Variants in HEPHL1 observed in about 807,000 individuals in gnomAD.
The protein encoded by HEPHL1 is hephaestin like 1, also known as ferroxidase HEPHL1.
Under a neutral mutation model 122.0 loss-of-function variants are expected in HEPHL1, and 123 were observed. The ratio of observed to expected loss-of-function variants is 1.01; its 90% CI spans 0.87 to 1.17. The LOEUF (loss-of-function observed/expected upper bound fraction) is 1.17, where lower values mean the gene tolerates loss of function less well. HEPHL1 is among the 50% of genes most tolerant of loss of function. The pLI is 0.00. For missense variants in HEPHL1, 1,452 were observed against 1,430.5 expected (o/e 1.01, Z -0.24); for synonymous variants, 527 against 508.9 (o/e 1.04, Z -0.48).
intron 1 of HEPHL1, among the ~76,000 whole-genome samples, chr11:94,036,074 C>G (rs1039581945): frequency 6.6e-6 from 1 of 151,762 alleles, no homozygotes; most frequent in Non-Finnish European, 1.5e-5. Context: ...TTATTACTTT[C>G]CTTTTATACC....
Position 94,104,601 on chromosome 11 carries a change from G to A in HEPHL1, c.2756G>A (p.Ser919Asn). The A allele has an allele frequency of 6.2e-7, 1 of 1,613,898 alleles. No homozygotes were observed. The highest frequency in any genetic ancestry group is 1.1e-5 in the South Asian group (1 of 91,076). The part of the protein sequence containing the change: ...KGVLNEKGRR[S>N]DVDYEFALLF... ...GTCTTGAATGAAAAGGGAAGAAGAAGTGACGTTGATTATGAATTTGCTCTC... is the reference window on the plus strand; with the variant it reads ...GTCTTGAATGAAAAGGGAAGAAGAAATGACGTTGATTATGAATTTGCTCTC... Residue 919 changes from serine (S) to asparagine (N), a missense_variant, in exon 16 of 20, where the codon AGT becomes AAT. Ser to Asn is a conservative substitution (Grantham distance 46, BLOSUM62 1). Coordinates refer to ENST00000315765, the MANE Select transcript of HEPHL1 (RefSeq NM_001098672.2).
intron 9 of HEPHL1, among the ~76,000 whole-genome samples, chr11:94,076,968 T>C (rs1349754782): frequency 1.3e-5 from 2 of 152,208 alleles, no homozygotes; most frequent in African/African-American, 4.8e-5. Context: ...CTCACACTTT[T>C]TTGGAAATAA....
In HEPHL1 at chr11:94,111,942, C is replaced by G. The variant is rs902168363; in HGVS notation, c.*48C>G. The G allele has an allele frequency of 8.8e-6, 12 of 1,369,280 alleles. No individual in the cohort carries two copies. Among genetic ancestry groups the G allele is most frequent in the Non-Finnish European group, 1.2e-5 (12 of 1,024,300 alleles). 84.8% of individuals were successfully genotyped at this position (1,369,280 alleles called of 1,614,324 possible). A position where few individuals can be genotyped will look rare whatever the true frequency, so the allele number is the denominator to read the frequency against. Reference sequence around the variant, plus strand: ...GAAAGGGTGATGTCCCACAGCTGGCCAGATGGCAGCCAACAGGGAAACTGG... The same window carrying G: ...GAAAGGGTGATGTCCCACAGCTGGCGAGATGGCAGCCAACAGGGAAACTGG... On this transcript the variant is annotated 3_prime_UTR_variant, in exon 20 of 20. Transcript: ENST00000315765.
intron 2 of HEPHL1, among the ~76,000 whole-genome samples, chr11:94,054,636 A>G (rs906485179): frequency 6.6e-6 from 1 of 152,162 alleles, no homozygotes; most frequent in Non-Finnish European, 1.5e-5. Flanking sequence ...CAAATCTTCA[A>G]TCAACGATAG....
rs74735081 is a variant in HEPHL1, at chr11:94,045,216, A to T, written c.171-457A>T. 6.2e-3 allele frequency among the ~76,000 whole-genome samples: 946 copies of T among 152,306 alleles called. 16 individuals are homozygous for T. The highest frequency in any genetic ancestry group is 0.021 in the African/African-American group (885 of 41,562). The stretch of plus-strand genomic sequence containing the variant: ...CCACTATGCCTGGCCTCCCTGAACT[A>T]TTACGTTCCTAGAAATGTTGAGCCT... On this transcript the variant is annotated intron_variant, in intron 1 of 19. Coordinates refer to ENST00000315765, the MANE Select transcript of HEPHL1 (RefSeq NM_001098672.2).
At chr11:94,078,497 A>C (rs1829372) in intron 9 of HEPHL1, among the ~76,000 whole-genome samples, 66,075 of 146,010 alleles carry the variant, frequency 0.45, 15,474 homozygotes, top group East Asian at 0.58. Flanking sequence ...ACACACAGAG[A>C]GATATTTATT....
intron 1 of HEPHL1, among the ~76,000 whole-genome samples, chr11:94,042,439 G>T (rs1479027613): frequency 1.4e-5 from 2 of 140,624 alleles, no homozygotes; most frequent in Non-Finnish European, 1.5e-5. Context: ...TGTTTATTGC[G>T]GCATTATTCA....
Position 94,045,918 on chromosome 11 carries a change from G to A in HEPHL1, c.415+1G>A, listed in dbSNP as rs770260103. On this transcript the variant is annotated splice_donor_variant, in intron 2 of 19. Coordinates refer to ENST00000315765, the MANE Select transcript of HEPHL1 (RefSeq NM_001098672.2). LOFTEE classifies it high-confidence loss of function. ...GTTTTCTACAACAAAGATTCAGAAG[G>A]TAAATATCAATCCTTTATTACTGGG... 23 of 1,613,206 alleles carry A rather than the reference G, an allele frequency of 1.4e-5. No homozygotes were observed. Among genetic ancestry groups the A allele is most frequent in the Middle Eastern group, 1.6e-4 (1 of 6,080 alleles).
intron 12 of HEPHL1, among the ~76,000 whole-genome samples, chr11:94,091,627 A>G (rs1946264168): frequency 6.6e-6 from 1 of 152,226 alleles, no homozygotes; most frequent in South Asian, 2.1e-4. Flanking sequence ...GTAAGACTTT[A>G]GAACAAGTAT....
chr11:94,071,925 T>C (rs986227663), intron 6 of HEPHL1, among the ~76,000 whole-genome samples: 13 of 152,198 alleles, frequency 8.5e-5, no homozygotes, highest in African/African-American at 2.4e-4. Context: ...CAGTAACAAT[T>C]TGCATAGAAG....
intron 2 of HEPHL1, among the ~76,000 whole-genome samples, chr11:94,049,714 A>G (rs1004142414): frequency 6.6e-6 from 1 of 152,052 alleles, no homozygotes; most frequent in Non-Finnish European, 1.5e-5. Context: ...CCTTGGACCA[A>G]TGCCACAGTG....
At position 94,088,856 on chromosome 11, in the gene HEPHL1, C is replaced by A; in HGVS notation, c.2182C>A (p.Arg728=). The change falls in exon 12 of 20, where the codon CGG becomes AGG. Residue 728 remains arginine (R), a synonymous_variant. Coordinates refer to ENST00000315765, the MANE Select transcript of HEPHL1 (RefSeq NM_001098672.2). ...SCDNRDPSEQ[R]YGMIRTFYIA... The stretch of plus-strand genomic sequence containing the variant: ...TGACAACAGGGACCCTTCTGAGCAG[C>A]GGTACGGGATGATAAGAACTTTTTA... 6.2e-7 allele frequency: 1 copy of A among 1,613,930 alleles called. No individual in the cohort carries two copies. The highest frequency in any genetic ancestry group is 8.5e-7 in the Non-Finnish European group (1 of 1,179,852).
rs1946454981 is a variant in HEPHL1 at position 94,112,080 on chromosome 11, T to C, written c.*186T>C. The C allele has an allele frequency of 4.7e-6, 2 of 427,010 alleles. No homozygotes were observed. The highest frequency in any genetic ancestry group is 3.9e-5 in the Admixed American group (1 of 25,594). 26.5% of individuals were successfully genotyped at this position (427,010 alleles called of 1,614,324 possible). A position where few individuals can be genotyped will look rare whatever the true frequency, so the allele number is the denominator to read the frequency against. On this transcript the variant is annotated 3_prime_UTR_variant, in exon 20 of 20. Transcript: ENST00000315765. ...TTTATTTATTTATTTTTAAATGGGC[T>C]GCGAATAATCCTCAGGTATAAAACA...
chr11:94,063,858 C>A lies in HEPHL1; in HGVS notation c.628+138C>A, dbSNP rs1946009793. ...AGAAATTCTGACATGGAAGATCAAT[C>A]TGACACCATAGCAGAGGGCAATAAT... On this transcript the variant is annotated intron_variant, in intron 3 of 19. Coordinates refer to ENST00000315765, the MANE Select transcript of HEPHL1 (RefSeq NM_001098672.2). 4.3e-6 allele frequency: 3 copies of A among 692,336 alleles called. No homozygotes were observed. The South Asian group carries it at 5.4e-5, about 13-fold the overall frequency. 42.9% of individuals were successfully genotyped at this position (692,336 alleles called of 1,614,324 possible).
intron 2 of HEPHL1, among the ~76,000 whole-genome samples, chr11:94,049,715 T>C (rs1300901918): frequency 6.6e-6 from 1 of 152,014 alleles, no homozygotes; most frequent in Non-Finnish European, 1.5e-5. Context: ...CTTGGACCAA[T>C]GCCACAGTGT....
intron 17 of HEPHL1, 88 bp downstream of exon 17, chr11:94,106,218 A>T: frequency 9.6e-7 from 1 of 1,042,338 alleles, no homozygotes; most frequent in Non-Finnish European, 1.4e-6. Flanking sequence ...TTACTTGGCA[A>T]TAATGCTTGT....
At chr11:94,086,274 A>G in intron 11 of HEPHL1, 85 bp downstream of exon 11, 1 of 1,017,244 alleles carries the variant, frequency 9.8e-7, no homozygotes, top group Non-Finnish European at 1.5e-6. Context: ...AGAAATTGGT[A>G]GACTTTGTGC....
intron 1 of HEPHL1, among the ~76,000 whole-genome samples, chr11:94,035,013 T>C (rs114606018): frequency 6.6e-6 from 1 of 152,194 alleles, no homozygotes. Flanking sequence ...TTAAGAATCT[T>C]CAGTGGCTCT....
rs375790727 is a variant in HEPHL1 at position 94,072,759 on chromosome 11, A to G, written c.1233-266A>G. 2.6e-5 allele frequency among the ~76,000 whole-genome samples: 4 copies of G among 152,230 alleles called. No homozygotes were observed. The South Asian group carries it at 6.2e-4, about 24-fold the overall frequency. On this transcript the variant is annotated intron_variant, in intron 6 of 19. Coordinates refer to ENST00000315765, the MANE Select transcript of HEPHL1 (RefSeq NM_001098672.2). ...TTCTGGAACTCTACTATTGGTAAAT[A>G]AGGAGTTTACTTGTGACTGGTTCAG... is the stretch of plus-strand genomic sequence containing the variant.
Sources: allele counts gnomAD v4.1 joint callset (sites outside exome capture counted in the v4.1 genomes callset), GRCh38; gene constraint gnomAD v4.1.1; transcripts MANE v1.5; gene names NCBI Gene and HGNC (gene_info 2026-07-23, HGNC 2026-07-21).